SULT1B1: variants seen among roughly 807,000 people sequenced by gnomAD.
SULT1B1 encodes the protein sulfotransferase family 1B member 1.
In SULT1B1, 28 loss-of-function variants were observed where a neutral mutation model predicts 34.6. The observed-to-expected ratio is 0.81, with a 90% CI of 0.60 to 1.11. SULT1B1 has a LOEUF of 1.11. Ranked by LOEUF, SULT1B1 falls within the 50% of genes least tolerant of loss-of-function variation. SULT1B1 has a pLI of 0.00. For synonymous variants in SULT1B1, 147 were observed against 110.2 expected (o/e 1.33, Z -2.09); for missense variants, 374 against 352.2 (o/e 1.06, Z -0.50).
At chr4:69,737,518 G>A (rs539710403) in intron 4 of SULT1B1, among the ~76,000 whole-genome samples, 26 of 152,188 alleles carry the variant, frequency 1.7e-4, no homozygotes, top group South Asian at 6.2e-4. Context: ...TATCTGATGC[G>A]GTGTTCAGTT....
chr4:69,759,114 G>T (rs1030876581), intron 1 of SULT1B1, among the ~76,000 whole-genome samples: 1 of 152,182 alleles, frequency 6.6e-6, no homozygotes, highest in Non-Finnish European at 1.5e-5. Flanking sequence ...AAAACAAATT[G>T]TACTGATTGT....
In SULT1B1 at chr4:69,757,065, T is replaced by A. The variant is rs540402132; in HGVS notation, c.-44-1804A>T. 9.3e-4 allele frequency among the ~76,000 whole-genome samples: 141 copies of A among 152,224 alleles called. 1 individual carries two copies. The highest frequency in any genetic ancestry group is 3.0e-3 in the African/African-American group (125 of 41,552). ...ATCAATTGGACACATAAAATTGGCATCACAAAGAGCTACTTATTATTTATT... is the reference window on the plus strand; with the variant it reads ...ATCAATTGGACACATAAAATTGGCAACACAAAGAGCTACTTATTATTTATT... On this transcript the variant is annotated intron_variant, in intron 1 of 7. Transcript: ENST00000310613.
chr4:69,744,062 C>T (rs1398687373), intron 4 of SULT1B1, among the ~76,000 whole-genome samples: 1 of 152,202 alleles, frequency 6.6e-6, no homozygotes, highest in Non-Finnish European at 1.5e-5. Flanking sequence ...CCTGCCTGCT[C>T]CCTGCTTCCG....
chr4:69,754,905 A>G (rs1719130038), intron 2 of SULT1B1, 107 bp from the exon 3 acceptor site: 4 of 1,382,928 alleles, frequency 2.9e-6, no homozygotes, highest in Non-Finnish European at 4.0e-6. Flanking sequence ...TACAAACTTA[A>G]TTCCCCTTTC....
chr4:69,725,611 G>C lies in SULT1B1; in HGVS notation c.*1477C>G, dbSNP rs1717803028. The C allele has an allele frequency of 6.6e-6, 1 of 152,092 alleles. No individual in the cohort carries two copies. The highest frequency in any genetic ancestry group is 2.4e-5 in the African/African-American group (1 of 41,410). 9.4% of individuals were successfully genotyped at this position (152,092 alleles called of 1,614,324 possible). On this transcript the variant is annotated 3_prime_UTR_variant, in exon 8 of 8. Transcript: ENST00000310613. ...GCACTATTCACAATAGCAAAGACTT[G>C]GAACCAACCCAAATGTCCATCAATG...
At chr4:69,758,577 G>A (rs762318467) in intron 1 of SULT1B1, 166 of 612,242 alleles carry the variant, frequency 2.7e-4, no homozygotes, top group Non-Finnish European at 3.3e-4. Flanking sequence ...CTATTCATCG[G>A]CTCCAGAATG....
At chr4:69,734,050 A>G in intron 5 of SULT1B1, 88 bp downstream of exon 5, 6 of 1,127,242 alleles carry the variant, frequency 5.3e-6, no homozygotes, top group Non-Finnish European at 6.0e-6. Flanking sequence ...GATTGGAAAA[A>G]TAAGTATTTT....
chr4:69,746,508 C>T (rs999242655), intron 4 of SULT1B1, among the ~76,000 whole-genome samples: 1 of 152,062 alleles, frequency 6.6e-6, no homozygotes, highest in African/African-American at 2.4e-5. Flanking sequence ...TAATGTTTCC[C>T]ATTGTATTAT....
intron 1 of SULT1B1, among the ~76,000 whole-genome samples, chr4:69,757,776 C>T (rs990993278): frequency 6.6e-6 from 1 of 152,076 alleles, no homozygotes; most frequent in Non-Finnish European, 1.5e-5. Flanking sequence ...AAACATGTAG[C>T]ATCTTATGCT....
At chr4:69,736,587 A>G (rs1718322053) in intron 4 of SULT1B1, among the ~76,000 whole-genome samples, 1 of 152,216 alleles carries the variant, frequency 6.6e-6, no homozygotes, top group Non-Finnish European at 1.5e-5. Context: ...TATACCCACA[A>G]AAGTTAAAAA....
chr4:69,737,273 G>GA (rs1718356257), intron 4 of SULT1B1, among the ~76,000 whole-genome samples: 1 of 151,938 alleles, frequency 6.6e-6, no homozygotes, highest in East Asian at 1.9e-4. Flanking sequence ...CTCAAGAAGG[G>GA]AAAAAAGACA....
At chr4:69,742,857 C>T (rs1403051654) in intron 4 of SULT1B1, among the ~76,000 whole-genome samples, 3 of 152,192 alleles carry the variant, frequency 2.0e-5, no homozygotes, top group Non-Finnish European at 2.9e-5. Flanking sequence ...GTGGGCAGCT[C>T]CAGGCACCAG....
chr4:69,755,341 A>C, intron 1 of SULT1B1, 80 bp from the exon 2 acceptor site: 6 of 1,152,458 alleles, frequency 5.2e-6, no homozygotes, highest in Non-Finnish European at 7.3e-6. Context: ...TCACAAAGTA[A>C]AATTGGCCTT....
At chr4:69,749,969 G>C (rs182959012) in intron 3 of SULT1B1, 151 bp from the exon 4 acceptor site, 1 of 595,352 alleles carries the variant, frequency 1.7e-6, no homozygotes, top group Admixed American at 2.7e-5. Flanking sequence ...CACATTACTA[G>C]AGTCAGTATT....
rs1339575022 is a variant in SULT1B1 at position 69,755,301 on chromosome 4, CTAATGT to C, written c.-44-46_-44-41del. ...AGAATAAAAATCAGAATCTGAGTAA[CTAATGT>C]TGGTCTTAAGACACTGCAATTTGTC... is the stretch of plus-strand genomic sequence containing the variant. On this transcript the variant is annotated intron_variant, in intron 1 of 7. Transcript: ENST00000310613. 5 of 1,490,434 alleles carry C rather than the reference CTAATGT, an allele frequency of 3.4e-6. No individual in the cohort carries two copies. In the African/African-American group the frequency reaches 7.0e-5, roughly 21 times the overall value. The allele number at this position is 1,490,434 out of a possible 1,614,324, so 92.3% of individuals were successfully genotyped here.
At chr4:69,739,918 T>A (rs150080955) in intron 4 of SULT1B1, among the ~76,000 whole-genome samples, 2,758 of 152,268 alleles carry the variant, frequency 0.018, 81 homozygotes, top group African/African-American at 0.064. Context: ...CCCAACAAGT[T>A]CCTCTTCTCC....
chr4:69,748,645 A>G lies in SULT1B1; in HGVS notation c.375+1076T>C, dbSNP rs77534000. ...ACCATAAGAAATTTAAAAGAATTGC[A>G]ATTATGTAGAGTATGATCTTTGACT... On this transcript the variant is annotated intron_variant, in intron 4 of 7. Coordinates refer to ENST00000310613, the MANE Select transcript of SULT1B1 (RefSeq NM_014465.4). 4.7e-3 allele frequency among the ~76,000 whole-genome samples: 720 copies of G among 152,356 alleles called. 6 individuals carry two copies. Among genetic ancestry groups the G allele is most frequent in the Non-Finnish European group, 7.0e-3 (475 of 68,020 alleles).
intron 3 of SULT1B1, among the ~76,000 whole-genome samples, chr4:69,754,096 A>G (rs1383298191): frequency 6.6e-6 from 1 of 152,114 alleles, no homozygotes; most frequent in East Asian, 1.9e-4. Context: ...AAGCTTTCCT[A>G]TTGTTCGCTT....
Position 69,722,862 on chromosome 4 carries a change from C to T in SULT1B1, c.*4226G>A, listed in dbSNP as rs1355559025. 1 of 152,004 alleles carries T rather than the reference C, an allele frequency of 6.6e-6. No individual in the cohort carries two copies. Among genetic ancestry groups the T allele is most frequent in the Non-Finnish European group, 1.5e-5 (1 of 68,062 alleles). 9.4% of individuals were successfully genotyped at this position (152,004 alleles called of 1,614,324 possible). A position where few individuals can be genotyped will look rare whatever the true frequency, so the allele number is the denominator to read the frequency against. Reference sequence around the variant, plus strand: ...AGTATGTCCAAAACCACCACCCCCACCCCTTTCAGAACAAGTAAGGGCCCA... The same window carrying T: ...AGTATGTCCAAAACCACCACCCCCATCCCTTTCAGAACAAGTAAGGGCCCA... On this transcript the variant is annotated 3_prime_UTR_variant, in exon 8 of 8. Coordinates refer to ENST00000310613, the MANE Select transcript of SULT1B1 (RefSeq NM_014465.4).
Sources: gnomAD v4.1 joint callset for allele counts (sites outside exome capture counted in the v4.1 genomes callset) on GRCh38, gnomAD v4.1.1 for gene constraint, MANE v1.5 for transcripts, NCBI Gene and HGNC (gene_info 2026-07-23, HGNC 2026-07-21) for gene names.